Variants in SETX observed in about 807,000 individuals in gnomAD.
SETX encodes senataxin.
Under a neutral mutation model 227.2 loss-of-function variants are expected in SETX, and 90 were observed. The observed-to-expected ratio is 0.40, with a 90% CI of 0.33 to 0.47. The LOEUF is 0.47. SETX is among the 20% of genes least tolerant of loss of function. The probability of loss-of-function intolerance (pLI) is 0.91; values close to 1 mark genes in which losing one functional copy is unlikely to be tolerated. For synonymous variants in SETX, 1,210 were observed against 1,113.2 expected (o/e 1.09, Z -1.73); for missense variants, 3,052 against 3,181.5 (o/e 0.96, Z 0.98).
intron 1 of SETX, among the ~76,000 whole-genome samples, chr9:132,354,495 CAAA>C (rs11316762): frequency 1.5e-4 from 13 of 85,512 alleles, no homozygotes; most frequent in East Asian, 3.1e-4. Flanking sequence ...GACCCCGTCT[CAAA>C]AAAAAAAAAA....
intron 12 of SETX, among the ~76,000 whole-genome samples, chr9:132,300,417 A>G (rs1230857716): frequency 6.6e-6 from 1 of 152,220 alleles, no homozygotes; most frequent in African/African-American, 2.4e-5. Context: ...GAAATGTAAC[A>G]AAAGGATAGA....
In SETX at chr9:132,262,886, T is replaced by G. The variant is rs1842466403; in HGVS notation, c.*1353A>C. Reference sequence around the variant, plus strand: ...ACAGCATTCACTACAGATCCCTAGTTTTTACAACTGTCAACTGTACATTCT... The same window carrying G: ...ACAGCATTCACTACAGATCCCTAGTGTTTACAACTGTCAACTGTACATTCT... On this transcript the variant is annotated 3_prime_UTR_variant, in exon 26 of 26. Coordinates refer to ENST00000224140, the MANE Select transcript of SETX (RefSeq NM_015046.7). The G allele has an allele frequency of 6.6e-6, 1 of 152,166 alleles. No homozygotes were observed. The highest frequency in any genetic ancestry group is 1.5e-5 in the Non-Finnish European group (1 of 68,038). The allele number at this position is 152,166 out of a possible 1,614,324, so 9.4% of individuals were successfully genotyped here.
intron 10 of SETX, among the ~76,000 whole-genome samples, chr9:132,324,116 G>A (rs746554644): frequency 2.4e-4 from 36 of 151,980 alleles, no homozygotes; most frequent in Admixed American, 9.2e-4. Flanking sequence ...TGTCCTGAAG[G>A]AAATAAATCT....
chr9:132,274,322 A>T (rs1293877861), intron 23 of SETX, among the ~76,000 whole-genome samples: 1 of 152,192 alleles, frequency 6.6e-6, no homozygotes, highest in East Asian at 1.9e-4. Context: ...GAAGCATGTG[A>T]GAATGACTTG....
intron 5 of SETX, among the ~76,000 whole-genome samples, chr9:132,336,830 G>C (rs1057292452): frequency 3.3e-5 from 5 of 152,214 alleles, no homozygotes; most frequent in Admixed American, 6.5e-5. Context: ...TTGGGAGGCT[G>C]AGGCGGGCAG....
Position 132,329,119 on chromosome 9 carries a change from T to C in SETX, c.2479A>G (p.Lys827Glu), listed in dbSNP as rs150532677. ...TCTCCTTTCTGAACTCCTGTATCTT[T>C]CCTTGAATAGAAACTCTCAATGTTA... ...VSNIESFYSR[K>E]DTGVQKGDGF... is the part of the protein sequence containing the mutation. Residue 827 changes from lysine (K) to glutamate (E), a missense_variant, in exon 10 of 26, where the codon AAA becomes GAA. This residue lies in a region of SETX where 1,483 missense variants were observed against 1,312.0 expected (regional missense o/e 1.13). Transcript: ENST00000224140. The C allele has an allele frequency of 9.9e-4, 1,594 of 1,610,188 alleles. 1 individual carries two copies. The highest frequency in any genetic ancestry group is 1.5e-3 in the Middle Eastern group (9 of 6,050).
At chr9:132,323,279 T>G (rs1190322521) in intron 10 of SETX, among the ~76,000 whole-genome samples, 1 of 151,958 alleles carries the variant, frequency 6.6e-6, no homozygotes, top group African/African-American at 2.4e-5. Context: ...ATTTAAACAT[T>G]CAAGAAAAGA....
At chr9:132,281,719 CA>C in intron 19 of SETX, 145 bp from the exon 20 acceptor site, 3 of 703,768 alleles carry the variant, frequency 4.3e-6, no homozygotes, top group East Asian at 2.7e-5. Flanking sequence ...TCCCTGAAAA[CA>C]AAAAAACAAA....
chr9:132,327,804 G>C lies in SETX; in HGVS notation c.3794C>G (p.Thr1265Ser). 6.2e-7 allele frequency: 1 copy of C among 1,614,168 alleles called. No individual in the cohort carries two copies. The highest frequency in any genetic ancestry group is 8.5e-7 in the Non-Finnish European group (1 of 1,180,032). The part of the protein sequence containing the change: ...RSSNYLSCRT[T>S]PAIVPPKKFR... ...TTTCTTTGGCGGCACTATAGCAGGA[G>C]TTGTTCTACAACTTAGGTAATTTGA... The change falls in exon 10 of 26, where the codon ACT (threonine) becomes AGT (serine). Residue 1265 changes from threonine (T) to serine (S), a missense_variant. Around this residue, in one of 10 missense-constraint regions of SETX, gnomAD observed 1,483 missense variants for 1,312.0 expected, o/e 1.13. Transcript: ENST00000224140.
Position 132,330,023 on chromosome 9 carries a change from G to A in SETX, c.1575C>T (p.Ser525=), listed in dbSNP as rs1847121496. ...TAMISSLSLH[S]MPSNSVQLAY... ...CAAGTTGTACAGAGTTAGATGGCAT[G>A]GAATGCAATGACAGTGAAGATATCA... The change falls in exon 10 of 26, where the codon TCC becomes TCT. Residue 525 remains serine, a synonymous_variant. Coordinates refer to ENST00000224140, the MANE Select transcript of SETX (RefSeq NM_015046.7). 1 of 1,614,204 alleles carries A rather than the reference G, an allele frequency of 6.2e-7. No individual in the cohort carries two copies. The highest frequency in any genetic ancestry group is 1.3e-5 in the African/African-American group (1 of 75,050).
At chr9:132,333,579 T>G (rs554108295) in intron 7 of SETX, among the ~76,000 whole-genome samples, 2 of 152,030 alleles carry the variant, frequency 1.3e-5, no homozygotes, top group Admixed American at 1.3e-4. Flanking sequence ...TCATTATGTT[T>G]TCTCATAGGA....
intron 11 of SETX, among the ~76,000 whole-genome samples, chr9:132,307,955 G>A (rs985692098): frequency 2.6e-5 from 4 of 152,068 alleles, no homozygotes; most frequent in Admixed American, 2.6e-4. Flanking sequence ...GGGATTACAG[G>A]CCTGAGCCAC....
At chr9:132,277,535 T>C (rs1228610377) in intron 21 of SETX, among the ~76,000 whole-genome samples, 4 of 152,122 alleles carry the variant, frequency 2.6e-5, no homozygotes, top group Non-Finnish European at 5.9e-5. Flanking sequence ...TCCCAGCACT[T>C]TGGGAGACCA....
chr9:132,300,468 TA>T (rs1212110301), intron 12 of SETX, among the ~76,000 whole-genome samples, 161 bp downstream of exon 12: 1 of 152,172 alleles, frequency 6.6e-6, no homozygotes, highest in African/African-American at 2.4e-5. Flanking sequence ...CAGTTAAGTC[TA>T]GAAAAACTAG....
rs748230520 is a variant in SETX, at chr9:132,336,332, T to C, written c.682A>G (p.Met228Val). ...CTTTTGTAGTTGGTAGTATCATACA[T>C]GTGTGAGGGCAGAAGAATCAGTTTA... Reference protein sequence around the residue: ...KGKLILLPSHMYDTTNYKSYW... With the variant: ...KGKLILLPSHVYDTTNYKSYW... Residue 228 changes from methionine to valine, a missense_variant, in exon 6 of 26, where the codon ATG (methionine) becomes GTG (valine). By Grantham distance (21) the Met-to-Val change is conservative (BLOSUM62 1). Transcript: ENST00000224140. 10 of 1,614,026 alleles carry C rather than the reference T, an allele frequency of 6.2e-6. No individual in the cohort carries two copies. The highest frequency in any genetic ancestry group is 1.7e-5 in the Admixed American group (1 of 60,016).
chr9:132,327,909 G>C lies in SETX; in HGVS notation c.3689C>G (p.Thr1230Arg). Residue 1230 changes from threonine to arginine, a missense_variant, in exon 10 of 26, where the codon ACA (threonine) becomes AGA (arginine). This residue lies in a region of SETX where 1,483 missense variants were observed against 1,312.0 expected (regional missense o/e 1.13). Coordinates refer to ENST00000224140, the MANE Select transcript of SETX (RefSeq NM_015046.7). ...AACTGGAACTTTCCTGATGGGTTCT[G>C]TACAAGTACAAAGCTTTGAAGACTT... ...QKKSSKLCTC[T>R]EPIRKVPVSK... 6.2e-7 allele frequency: 1 copy of C among 1,614,148 alleles called. No homozygotes were observed.
chr9:132,268,661 A>AT (rs1243292927), intron 25 of SETX, among the ~76,000 whole-genome samples: 3 of 152,260 alleles, frequency 2.0e-5, no homozygotes, highest in Admixed American at 6.5e-5. Flanking sequence ...ATTGCTTTCT[A>AT]TTCCACTGGA....
At chr9:132,283,966 C>T (rs758554773) in intron 18 of SETX, among the ~76,000 whole-genome samples, 1 of 152,168 alleles carries the variant, frequency 6.6e-6, no homozygotes, top group Non-Finnish European at 1.5e-5. Context: ...TGGAGCCGGA[C>T]GTGAGTGACG....
At chr9:132,286,312 T>C in intron 18 of SETX, 111 bp downstream of exon 18, 1 of 790,738 alleles carries the variant, frequency 1.3e-6, no homozygotes, top group Non-Finnish European at 2.0e-6. Flanking sequence ...AGAGTGAGAC[T>C]CTGTCTCCAA....
Sources: allele counts gnomAD v4.1 joint callset (sites outside exome capture counted in the v4.1 genomes callset), GRCh38; gene constraint gnomAD v4.1.1; regional missense constraint gnomAD v4.1.1; transcripts MANE v1.5; gene names NCBI Gene and HGNC (gene_info 2026-07-23, HGNC 2026-07-21).